PROC: variants seen among roughly 807,000 people sequenced by gnomAD.
The protein encoded by PROC is vitamin K-dependent protein C.
PROC carries 22 observed loss-of-function variants against 36.3 expected under a neutral mutation model. That is an observed-to-expected ratio of 0.61 (90% confidence interval 0.43 to 0.86). PROC has a LOEUF of 0.86. Ranked by LOEUF, PROC falls within the 40% of genes least tolerant of loss-of-function variation. The pLI is 0.00. For missense variants in PROC, 526 were observed against 629.7 expected (o/e 0.84, Z 1.76); for synonymous variants, 218 against 244.5 (o/e 0.89, Z 1.01).
intron 6 of PROC, among the ~76,000 whole-genome samples, chr2:127,425,657 A>G (rs1216496115): frequency 6.6e-6 from 1 of 152,166 alleles, no homozygotes; most frequent in African/African-American, 2.4e-5. Context: ...CACCTATGTA[A>G]GGAGACACAG....
chr2:127,420,754 G>A (rs1688045497), intron 2 of PROC, among the ~76,000 whole-genome samples: 1 of 152,160 alleles, frequency 6.6e-6, no homozygotes, highest in Admixed American at 6.5e-5. Flanking sequence ...TCCTCCAGGT[G>A]TCCCTGCCCA....
Position 127,426,369 on chromosome 2 carries a change from C to A in PROC, c.678+142C>A. On this transcript the variant is annotated intron_variant, in intron 7 of 8. Transcript: ENST00000234071. The surrounding 1 kb of genome is among the most constrained non-coding windows in gnomAD (Gnocchi z 7.0). Reference sequence around the variant, plus strand: ...GGGATGATGAAGGTGGGGGATGCTTCAGGGAAAGATGGACGCAACCTGAGG... The same window carrying A: ...GGGATGATGAAGGTGGGGGATGCTTAAGGGAAAGATGGACGCAACCTGAGG... 2 of 1,299,606 alleles carry A rather than the reference C, an allele frequency of 1.5e-6. No homozygotes were observed. The highest frequency in any genetic ancestry group is 1.1e-6 in the Non-Finnish European group (1 of 931,122). The allele number at this position is 1,299,606 out of a possible 1,614,324, so 80.5% of individuals were successfully genotyped here.
At chr2:127,421,191 C>A in intron 2 of PROC, 92 bp from the exon 3 acceptor site, 4 of 1,358,784 alleles carry the variant, frequency 2.9e-6, no homozygotes, top group East Asian at 4.7e-5. Flanking sequence ...CCTTCCCAGG[C>A]TCTCCCAGCT....
At chr2:127,425,568 AT>A (rs1239018323) in intron 6 of PROC, among the ~76,000 whole-genome samples, 2 of 152,206 alleles carry the variant, frequency 1.3e-5, no homozygotes, top group African/African-American at 4.8e-5. Context: ...GCTCAGCAGC[AT>A]CCCATTATGA....
At position 127,427,237 on chromosome 2, in the gene PROC, C is replaced by T. The variant is rs1271015306; in HGVS notation, c.796+15C>T. ...TGTCAGGCTTGGTATGGGCTGGAGC[C>T]AGGCAGAAGGGGGCTGCCAGAGGCC... On this transcript the variant is annotated intron_variant, in intron 8 of 8. Transcript: ENST00000234071. 4 of 1,607,478 alleles carry T rather than the reference C, an allele frequency of 2.5e-6. 1 individual carries two copies. The South Asian group carries it at 3.3e-5, about 13-fold the overall frequency.
In PROC at chr2:127,426,949, A is replaced by G. The variant is rs1048345482; in HGVS notation, c.679-156A>G. ...GGAAGACACCCTGGGACAGGCTGAC[A>G]CTGTAAAATGGGCAAAAATAGAAAA... On this transcript the variant is annotated intron_variant, in intron 7 of 8. Transcript: ENST00000234071. The surrounding 1 kb of genome is among the most constrained non-coding windows in gnomAD (Gnocchi z 7.0). 2.6e-5 allele frequency among the ~76,000 whole-genome samples: 4 copies of G among 152,246 alleles called. No homozygotes were observed. The highest frequency in any genetic ancestry group is 5.9e-5 in the Non-Finnish European group (4 of 68,044).
chr2:127,422,927 G>T lies in PROC; in HGVS notation c.248G>T (p.Trp83Leu). The T allele has an allele frequency of 1.3e-6, 2 of 1,580,544 alleles. No individual in the cohort carries two copies. Among genetic ancestry groups the T allele is most frequent in the Non-Finnish European group, 1.7e-6 (2 of 1,164,480 alleles). ...FQNVDDTLAF[W>L]SKHVDGDQCL... ...CCGCTCTCTCCGCAGCTGGCCTTCT[G>T]GTCCAAGCACGTCGGTGAGTGCGTT... Residue 83 changes from tryptophan to leucine, a missense_variant, in exon 4 of 9, where the codon TGG (tryptophan) becomes TTG (leucine). Coordinates refer to ENST00000234071, the MANE Select transcript of PROC (RefSeq NM_000312.4).
At position 127,418,632 on chromosome 2, in the gene PROC, G is replaced by A. The variant is rs1019718502; in HGVS notation, c.-22+140G>A. The A allele has an allele frequency of 4.3e-6, 3 of 693,270 alleles. No homozygotes were observed. The highest frequency in any genetic ancestry group is 6.5e-6 in the Non-Finnish European group (3 of 462,980). The allele number at this position is 693,270 out of a possible 1,614,324, so 42.9% of individuals were successfully genotyped here. ...TGAGCTTGGGGTGAAAGGACACAAGGCCCTCCACAGGCCAGGCCTGGCAGC... is the reference window on the plus strand; with the variant it reads ...TGAGCTTGGGGTGAAAGGACACAAGACCCTCCACAGGCCAGGCCTGGCAGC... On this transcript the variant is annotated intron_variant, in intron 1 of 8. Coordinates refer to ENST00000234071, the MANE Select transcript of PROC (RefSeq NM_000312.4). This position sits in a 1 kb window ranked among gnomAD's most constrained non-coding sequence, Gnocchi z 4.8.
chr2:127,423,789 T>G (rs371265453), intron 6 of PROC, among the ~76,000 whole-genome samples: 12 of 152,254 alleles, frequency 7.9e-5, no homozygotes, highest in African/African-American at 2.9e-4. Context: ...TTCTCTGACG[T>G]TGTCCGGCGT....
rs1294165277 is a variant in PROC, at chr2:127,428,651, A to C, written c.1091A>C (p.Lys364Thr). Residue 364 changes from lysine to threonine, a missense_variant, in exon 9 of 9, where the codon AAG becomes ACG. Coordinates refer to ENST00000234071, the MANE Select transcript of PROC (RefSeq NM_000312.4). Reference protein sequence around the residue: ...RNRTFVLNFIKIPVVPHNECS... With the variant: ...RNRTFVLNFITIPVVPHNECS... ...CGCACCTTCGTCCTCAACTTCATCA[A>C]GATTCCCGTGGTCCCGCACAATGAG... 1 of 1,614,058 alleles carries C rather than the reference A, an allele frequency of 6.2e-7. No individual in the cohort carries two copies. The highest frequency in any genetic ancestry group is 8.5e-7 in the Non-Finnish European group (1 of 1,180,048).
chr2:127,423,056 G>C lies in PROC; in HGVS notation c.285G>C (p.Leu95Phe), dbSNP rs1573442756. 2.5e-6 allele frequency: 4 copies of C among 1,612,328 alleles called. No individual in the cohort carries two copies. The South Asian group carries it at 3.3e-5, about 13-fold the overall frequency. ...CAGACGGTGACCAGTGCTTGGTCTTGCCCTTGGAGCACCCGTGCGCCAGCC... is the reference window on the plus strand; with the variant it reads ...CAGACGGTGACCAGTGCTTGGTCTTCCCCTTGGAGCACCCGTGCGCCAGCC... ...KHVDGDQCLV[L>F]PLEHPCASLC... Residue 95 changes from leucine (L) to phenylalanine (F), a missense_variant, in exon 5 of 9, where the codon TTG becomes TTC. Coordinates refer to ENST00000234071, the MANE Select transcript of PROC (RefSeq NM_000312.4).
intron 6 of PROC, 117 bp downstream of exon 6, chr2:127,423,525 G>T: frequency 7.3e-7 from 1 of 1,362,174 alleles, no homozygotes; most frequent in South Asian, 1.5e-5. Flanking sequence ...GCGAGGAACA[G>T]AGTTGAGCCT....
chr2:127,426,884 A>C lies in PROC; in HGVS notation c.679-221A>C, dbSNP rs1688538790. ...TGTTGGGTGTGGCTGAGGGTGACTG[A>C]AACAGTATGAACAGTGCAGGAACAG... is the stretch of plus-strand genomic sequence containing the variant. On this transcript the variant is annotated intron_variant, in intron 7 of 8. Coordinates refer to ENST00000234071, the MANE Select transcript of PROC (RefSeq NM_000312.4). The surrounding 1 kb of genome is among the most constrained non-coding windows in gnomAD (Gnocchi z 7.0). 6.6e-6 allele frequency among the ~76,000 whole-genome samples: 1 copy of C among 152,242 alleles called. No individual in the cohort carries two copies. The highest frequency in any genetic ancestry group is 2.4e-5 in the African/African-American group (1 of 41,466).
In PROC at chr2:127,426,768, G is replaced by A. The variant is rs1688529952; in HGVS notation, c.679-337G>A. 1.3e-5 allele frequency among the ~76,000 whole-genome samples: 2 copies of A among 152,350 alleles called. No individual in the cohort carries two copies. The highest frequency in any genetic ancestry group is 6.5e-5 in the Admixed American group (1 of 15,310). On this transcript the variant is annotated intron_variant, in intron 7 of 8. Transcript: ENST00000234071. This position sits in a 1 kb window ranked among gnomAD's most constrained non-coding sequence, Gnocchi z 7.0. ...ATAGGGGCTGAGGGAGGCCCAAGGG[G>A]AACATCCAGGCAGCCTGGGGGCCAC...
rs942910455 is a variant in PROC at position 127,418,509 on chromosome 2, G to T, written c.-22+17G>T. On this transcript the variant is annotated intron_variant, in intron 1 of 8. Coordinates refer to ENST00000234071, the MANE Select transcript of PROC (RefSeq NM_000312.4). This position sits in a 1 kb window ranked among gnomAD's most constrained non-coding sequence, Gnocchi z 4.8. Reference sequence around the variant, plus strand: ...CCCGCCCCTGTGAGTCCCCCTCCAGGCAGGTCTATGAGGGGTGTGGAGGGA... The same window carrying T: ...CCCGCCCCTGTGAGTCCCCCTCCAGTCAGGTCTATGAGGGGTGTGGAGGGA... 111 of 1,289,706 alleles carry T rather than the reference G, an allele frequency of 8.6e-5. No homozygotes were observed. The highest frequency in any genetic ancestry group is 1.1e-4 in the Non-Finnish European group (105 of 988,846). The allele number at this position is 1,289,706 out of a possible 1,614,324, so 79.9% of individuals were successfully genotyped here.
chr2:127,428,754 C>G lies in PROC; in HGVS notation c.1194C>G (p.Cys398Trp), dbSNP rs146028808. 2 of 1,613,100 alleles carry G rather than the reference C, an allele frequency of 1.2e-6. No individual in the cohort carries two copies. The highest frequency in any genetic ancestry group is 2.7e-5 in the African/African-American group (2 of 74,942). ...TCCTCGGGGACCGGCAGGATGCCTG[C>G]GAGGGCGACAGTGGGGGGCCCATGG... ...AGILGDRQDA[C>W]EGDSGGPMVA... The change falls in exon 9 of 9, where the codon TGC becomes TGG. Residue 398 changes from cysteine (C) to tryptophan (W), a missense_variant. By Grantham distance (215) the Cys-to-Trp change is radical. Coordinates refer to ENST00000234071, the MANE Select transcript of PROC (RefSeq NM_000312.4).
rs796533850 is a variant in PROC, at chr2:127,422,327, C to T, written c.238-590C>T. On this transcript the variant is annotated intron_variant, in intron 3 of 8. Coordinates refer to ENST00000234071, the MANE Select transcript of PROC (RefSeq NM_000312.4). ...AGTCCCCACCGTGCTCCCACCTCACCCATGGTCTCTCAGCCCCAGCAGGCC... is the reference window on the plus strand; with the variant it reads ...AGTCCCCACCGTGCTCCCACCTCACTCATGGTCTCTCAGCCCCAGCAGGCC... 5.9e-5 allele frequency among the ~76,000 whole-genome samples: 9 copies of T among 152,382 alleles called. 1 individual carries two copies. Among genetic ancestry groups the T allele is most frequent in the African/African-American group, 2.2e-4 (9 of 41,586 alleles).
chr2:127,429,038 T>C lies in PROC; in HGVS notation c.*92T>C. 7.0e-7 allele frequency: 1 copy of C among 1,434,512 alleles called. No individual in the cohort carries two copies. The highest frequency in any genetic ancestry group is 9.8e-7 in the Non-Finnish European group (1 of 1,025,340). 88.9% of individuals were successfully genotyped at this position (1,434,512 alleles called of 1,614,324 possible). On this transcript the variant is annotated 3_prime_UTR_variant, in exon 9 of 9. Coordinates refer to ENST00000234071, the MANE Select transcript of PROC (RefSeq NM_000312.4). ...GCACACCGGCCTGCTGTTCTGTCCT[T>C]CCATCCCTCTTTTGGGCTCTTCTGG...
At chr2:127,421,496 T>G (rs1573437621) in intron 3 of PROC, 47 bp downstream of exon 3, 1 of 1,608,942 alleles carries the variant, frequency 6.2e-7, no homozygotes. Context: ...GGCGAGCTGG[T>G]AACCAGCAGG....
Sources: gnomAD v4.1 joint callset for allele counts (sites outside exome capture counted in the v4.1 genomes callset) on GRCh38, gnomAD v4.1.1 for gene constraint, Gnocchi (gnomAD v3.1) non-coding constraint, MANE v1.5 for transcripts, NCBI Gene and HGNC (gene_info 2026-07-23, HGNC 2026-07-21) for gene names.